The following CCNY variants were observed in gnomAD, a reference collection of about 807,000 sequenced individuals.
CCNY encodes cyclin Y.
Under a neutral mutation model 42.8 loss-of-function variants are expected in CCNY, and 19 were observed. The ratio of observed to expected loss-of-function variants is 0.44; its 90% CI spans 0.31 to 0.65. CCNY has a LOEUF of 0.65. Ranked by LOEUF, CCNY falls within the 30% of genes least tolerant of loss-of-function variation. The pLI, the probability that CCNY is intolerant of heterozygous loss-of-function variation, is 0.07. For synonymous variants in CCNY, 165 were observed against 162.7 expected (o/e 1.01, Z -0.11); for missense variants, 370 against 437.3 (o/e 0.85, Z 1.37).
rs567034422 is a variant in CCNY at position 35,557,607 on chromosome 10, T to A, written c.746+4422T>A. On this transcript the variant is annotated intron_variant, in intron 8 of 9. Coordinates refer to ENST00000374704, the MANE Select transcript of CCNY (RefSeq NM_145012.6). Reference sequence around the variant, plus strand: ...GCCATCTCTACTAAAAATACAAAAATTAGCTGGTACTGGTGGCGCTCACCT... The same window carrying A: ...GCCATCTCTACTAAAAATACAAAAAATAGCTGGTACTGGTGGCGCTCACCT... Among the ~76,000 whole-genome samples the A allele has an allele frequency of 3.4e-3, 513 of 150,946 alleles. 4 individuals carry two copies. The highest frequency in any genetic ancestry group is 0.012 in the African/African-American group (483 of 40,416).
chr10:35,465,938 A>AGAGAGAGAGAGAGAGTGAGTGTGT, intron 1 of CCNY, among the ~76,000 whole-genome samples: 2 of 80,960 alleles, frequency 2.5e-5, no homozygotes, highest in Non-Finnish European at 5.3e-5. Flanking sequence ...AGAGAGAGAG[A>AGAGAGAGAGAGAGAGTGAGTGTGT]GTGTGTGTGT....
chr10:35,516,915 C>G (rs776722733), intron 4 of CCNY, among the ~76,000 whole-genome samples: 1 of 152,042 alleles, frequency 6.6e-6, no homozygotes, highest in Non-Finnish European at 1.5e-5. Context: ...ATGTAGATTA[C>G]TTAAAATATA....
intron 7 of CCNY, among the ~76,000 whole-genome samples, chr10:35,543,825 C>A (rs1470363849): frequency 6.6e-6 from 1 of 152,084 alleles, no homozygotes; most frequent in Non-Finnish European, 1.5e-5. Flanking sequence ...GGCAGTGGGG[C>A]AAGATATGGA....
chr10:35,528,596 G>C (rs529321510), intron 5 of CCNY, among the ~76,000 whole-genome samples: 1 of 152,094 alleles, frequency 6.6e-6, no homozygotes, highest in African/African-American at 2.4e-5. Context: ...CAGCTACAAG[G>C]GATATTGAGG....
intron 1 of CCNY, among the ~76,000 whole-genome samples, chr10:35,378,973 C>T (rs1023959025): frequency 2.0e-5 from 3 of 152,080 alleles, no homozygotes; most frequent in Non-Finnish European, 4.4e-5. Flanking sequence ...TCAAGGGAGA[C>T]ATTGGTGGAG....
At chr10:35,412,026 G>A (rs1837917553) in intron 1 of CCNY, among the ~76,000 whole-genome samples, 1 of 152,186 alleles carries the variant, frequency 6.6e-6, no homozygotes, top group Admixed American at 6.5e-5. Context: ...CAGACCAAAG[G>A]AGCAGCTCCT....
At chr10:35,335,575 A>T (rs1440367766), upstream of CCNY, among the ~76,000 whole-genome samples, 1 of 151,932 alleles carries the variant, frequency 6.6e-6, no homozygotes. Flanking sequence ...AAAAAAAAAT[A>T]GCCAGGTGCC....
chr10:35,557,315 C>A (rs1277711434), intron 8 of CCNY, among the ~76,000 whole-genome samples: 1 of 152,154 alleles, frequency 6.6e-6, no homozygotes, highest in Non-Finnish European at 1.5e-5. Context: ...CTAGTTTCCT[C>A]ACACATTAGC....
intron 8 of CCNY, among the ~76,000 whole-genome samples, chr10:35,565,599 G>A (rs1054779833): frequency 1.3e-5 from 2 of 152,216 alleles, no homozygotes; most frequent in South Asian, 4.1e-4. Context: ...GGGCCACCGA[G>A]GAAGCCAATG....
At chr10:35,466,136 G>A (rs972842558) in intron 1 of CCNY, among the ~76,000 whole-genome samples, 1 of 152,188 alleles carries the variant, frequency 6.6e-6, no homozygotes, top group South Asian at 2.1e-4. Flanking sequence ...TTGGGGGTAT[G>A]GGGGGCACAC....
At chr10:35,323,338 T>C (rs887914836) in intron 3 of CCNY, among the ~76,000 whole-genome samples, 1 of 152,238 alleles carries the variant, frequency 6.6e-6, no homozygotes, top group African/African-American at 2.4e-5. Context: ...ACATAGATGT[T>C]CATAATGGCT....
rs182951117 is a variant in CCNY at position 35,541,459 on chromosome 10, C to T, written c.579+11216C>T. 3.3e-4 allele frequency among the ~76,000 whole-genome samples: 50 copies of T among 152,292 alleles called. 1 individual carries two copies. The highest frequency in any genetic ancestry group is 3.3e-3 in the Admixed American group (50 of 15,306). ...TTGCCCTGGCTAGAGTGCATTGGCA[C>T]CATTCATGGCTCTCTGCAGTCTCAA... On this transcript the variant is annotated intron_variant, in intron 7 of 9. Coordinates refer to ENST00000374704, the MANE Select transcript of CCNY (RefSeq NM_145012.6).
chr10:35,507,075 A>G (rs1439854978), intron 3 of CCNY, among the ~76,000 whole-genome samples: 1 of 152,122 alleles, frequency 6.6e-6, no homozygotes, highest in Non-Finnish European at 1.5e-5. Flanking sequence ...TTGCTCTCCT[A>G]ACCTCCTCAG....
intron 4 of CCNY, among the ~76,000 whole-genome samples, chr10:35,518,588 G>A (rs1840476847): frequency 8.4e-6 from 1 of 118,892 alleles, no homozygotes; most frequent in Admixed American, 8.0e-5. Flanking sequence ...GAGGTATGCT[G>A]TGAGTATCTG....
intron 9 of CCNY, among the ~76,000 whole-genome samples, chr10:35,567,483 A>G (rs2384379): frequency 0.29 from 44,226 of 152,024 alleles, 6,735 homozygotes; most frequent in Admixed American, 0.35. Context: ...TTTTTTCCCA[A>G]TCCTGCCTTG....
chr10:35,256,374 GTT>G (rs2095715502), intron 3 of CCNY, among the ~76,000 whole-genome samples: 1 of 151,700 alleles, frequency 6.6e-6, no homozygotes, highest in Non-Finnish European at 1.5e-5. Flanking sequence ...ATTTTCTCTG[GTT>G]ACCATGGAGA....
intron 1 of CCNY, among the ~76,000 whole-genome samples, chr10:35,480,930 C>T (rs539580146): frequency 2.2e-4 from 33 of 152,192 alleles, no homozygotes; most frequent in Non-Finnish European, 4.0e-4. Context: ...TGCACTACTG[C>T]ACTCCAGCCT....
Position 35,336,529 on chromosome 10 carries a change from A to T in CCNY, c.-525A>T, listed in dbSNP as rs1047935455. ...CCAGCATCCTCCCTGGCCGCGCCGC[A>T]CCGCGCCGCGAGGAGTCCGGGGGCT... On this transcript the variant is annotated 5_prime_UTR_variant, in exon 1 of 10. Coordinates refer to ENST00000374704, the MANE Select transcript of CCNY (RefSeq NM_145012.6). The T allele has an allele frequency of 6.7e-6, 1 of 148,506 alleles. No individual in the cohort carries two copies. 9.2% of individuals were successfully genotyped at this position (148,506 alleles called of 1,614,324 possible).
chr10:35,290,415 T>TA lies in CCNY; in HGVS notation c.-9+39802dup, dbSNP rs60240989. ...TGGGCAACAGAGTGAGACTCTGTCT[T>TA]AAAAAAAAAAAAATCATAAAAGGGT... On this transcript the variant is annotated intron_variant, in intron 3 of 11. Coordinates refer to the CCNY transcript ENST00000374706. 2.8e-3 allele frequency among the ~76,000 whole-genome samples: 404 copies of TA among 146,012 alleles called. 1 individual carries two copies. The highest frequency in any genetic ancestry group is 6.2e-3 in the African/African-American group (247 of 40,152).
Sources: allele counts gnomAD v4.1 joint callset (sites outside exome capture counted in the v4.1 genomes callset), GRCh38; gene constraint gnomAD v4.1.1; transcripts MANE v1.5; gene names NCBI Gene and HGNC (gene_info 2026-07-23, HGNC 2026-07-21).